EIF4ENIF1: variants seen among roughly 807,000 people sequenced by gnomAD.
EIF4ENIF1 encodes the protein eukaryotic translation initiation factor 4E nuclear import factor 1.
EIF4ENIF1 carries 23 observed loss-of-function variants against 110.5 expected under a neutral mutation model. The observed-to-expected ratio is 0.21, with a 90% CI of 0.15 to 0.29. The LOEUF (loss-of-function observed/expected upper bound fraction) is 0.29, where lower values mean the gene tolerates loss of function less well. Ranked by LOEUF, EIF4ENIF1 falls within the 10% of genes least tolerant of loss-of-function variation. The pLI is 1.00. For synonymous variants in EIF4ENIF1, 440 were observed against 437.0 expected, an observed-to-expected ratio of 1.01 and a Z score of -0.09; for missense variants, 1,031 against 1,221.1, an observed-to-expected ratio of 0.84 and a Z score of 2.32.
chr22:31,444,244 T>C (rs2050392064), intron 15 of EIF4ENIF1, among the ~76,000 whole-genome samples: 1 of 152,172 alleles, frequency 6.6e-6, no homozygotes. Flanking sequence ...CAAGTTTCAA[T>C]AGACTCCCCA....
intron 12 of EIF4ENIF1, 111 bp from the exon 13 acceptor site, chr22:31,448,343 GATTT>G: frequency 9.3e-7 from 1 of 1,077,376 alleles, no homozygotes; most frequent in East Asian, 2.4e-5. Context: ...GGAAAGCACT[GATTT>G]ATTGGGCTGA....
In EIF4ENIF1 at chr22:31,450,896, A is replaced by ACAC. The variant is rs747824280; in HGVS notation, c.1513-537_1513-536insGTG. On this transcript the variant is annotated intron_variant, in intron 10 of 18. Transcript: ENST00000330125. ...ACACACACACACACACACACACACAAAAGAGACAGGGTCTTGTTCTGTTGC... is the reference window on the plus strand; with the variant it reads ...ACACACACACACACACACACACACAACACAAGAGACAGGGTCTTGTTCTGTTGC... 5.7e-3 allele frequency: 655 copies of ACAC among 115,384 alleles called. 7 individuals are homozygous for ACAC. Among genetic ancestry groups the ACAC allele is most frequent in the East Asian group, 0.019 (63 of 3,356 alleles). 7.1% of individuals were successfully genotyped at this position (115,384 alleles called of 1,614,324 possible).
At chr22:31,449,667 G>A in intron 11 of EIF4ENIF1, 136 bp from the exon 12 acceptor site, 1 of 674,640 alleles carries the variant, frequency 1.5e-6, no homozygotes, top group African/African-American at 1.8e-5. Context: ...ATGTGTACAT[G>A]CAACACATTT....
chr22:31,441,744 GACGAC>G (rs1569061196), intron 17 of EIF4ENIF1, 25 bp downstream of exon 17: 2 of 1,572,654 alleles, frequency 1.3e-6, no homozygotes, highest in South Asian at 2.3e-5. Context: ...CCCACAAACT[GACGAC>G]ACCCAAGTCA....
intron 16 of EIF4ENIF1, 66 bp downstream of exon 16, chr22:31,442,896 C>A: frequency 6.3e-7 from 1 of 1,586,470 alleles, no homozygotes; most frequent in Middle Eastern, 2.0e-4. Context: ...GGCTGGTCAG[C>A]GCTCAGGCCC....
intron 18 of EIF4ENIF1, 128 bp downstream of exon 18, chr22:31,440,576 A>C: frequency 2.5e-6 from 3 of 1,183,630 alleles, no homozygotes; most frequent in Non-Finnish European, 3.5e-6. Flanking sequence ...ATCTGGTTAC[A>C]CTTTGTCCCA....
At chr22:31,453,368 C>T in intron 10 of EIF4ENIF1, 1 of 407,648 alleles carries the variant, frequency 2.5e-6, no homozygotes, top group Non-Finnish European at 4.9e-6. Context: ...CCTGACAAAC[C>T]CATCTTACTT....
chr22:31,479,706 T>C (rs1020525877), intron 2 of EIF4ENIF1, among the ~76,000 whole-genome samples: 2 of 120,280 alleles, frequency 1.7e-5, no homozygotes, highest in East Asian at 2.4e-4. Context: ...TTTTTTTTTT[T>C]AATCTATCCT....
At chr22:31,437,775 C>A (rs975433410), downstream of EIF4ENIF1, 3 of 152,196 alleles carry the variant, frequency 2.0e-5, no homozygotes, top group Non-Finnish European at 4.4e-5. Flanking sequence ...ATTCAGGTGT[C>A]TGTGTTCTGC....
chr22:31,441,593 C>T (rs189107224), intron 17 of EIF4ENIF1, among the ~76,000 whole-genome samples, 181 bp downstream of exon 17: 8 of 148,670 alleles, frequency 5.4e-5, no homozygotes, highest in Non-Finnish European at 1.2e-4. Flanking sequence ...AGCTAGGTTC[C>T]TAATCTTTTA....
At chr22:31,475,095 T>C (rs1312577907) in intron 2 of EIF4ENIF1, among the ~76,000 whole-genome samples, 1 of 152,222 alleles carries the variant, frequency 6.6e-6, no homozygotes, top group African/African-American at 2.4e-5. Flanking sequence ...CTTAGGACTA[T>C]ATGATACTTC....
At chr22:31,449,668 C>T (rs749685939) in intron 11 of EIF4ENIF1, 137 bp from the exon 12 acceptor site, 7 of 669,848 alleles carry the variant, frequency 1.0e-5, no homozygotes, top group African/African-American at 9.1e-5. Context: ...TGTGTACATG[C>T]AACACATTTA....
In EIF4ENIF1 at chr22:31,444,586, A is replaced by G. The variant is rs1482194470; in HGVS notation, c.2073+20T>C. On this transcript the variant is annotated intron_variant, in intron 15 of 18. Coordinates refer to ENST00000330125, the MANE Select transcript of EIF4ENIF1 (RefSeq NM_019843.4). The stretch of plus-strand genomic sequence containing the variant: ...AGGGAGAAGCCTTAAAGTCCTTCAC[A>G]GTTACTAAAGGTCACTGACCATGCT... 2.9e-5 allele frequency: 47 copies of G among 1,612,324 alleles called. No individual in the cohort carries two copies. Among genetic ancestry groups the G allele is most frequent in the Non-Finnish European group, 3.9e-5 (46 of 1,178,514 alleles).
chr22:31,471,726 T>C (rs1290612196), intron 3 of EIF4ENIF1, 118 bp downstream of exon 3: 21 of 903,578 alleles, frequency 2.3e-5, no homozygotes, highest in Non-Finnish European at 3.4e-5. Flanking sequence ...TCGAAATCCC[T>C]CTTTCACTTA....
At chr22:31,486,647 C>G (rs1050741601) in intron 2 of EIF4ENIF1, among the ~76,000 whole-genome samples, 2 of 152,158 alleles carry the variant, frequency 1.3e-5, no homozygotes, top group Admixed American at 6.5e-5. Context: ...GGCATGGTGG[C>G]GCACGCCTGT....
chr22:31,479,218 C>T (rs577381217), intron 2 of EIF4ENIF1, among the ~76,000 whole-genome samples: 1 of 151,978 alleles, frequency 6.6e-6, no homozygotes, highest in Admixed American at 6.6e-5. Context: ...AGGCTCATGC[C>T]GCCATGCCCG....
rs537823163 is a variant in EIF4ENIF1 at position 31,463,160 on chromosome 22, A to G, written c.586-27T>C. 364 of 1,605,070 alleles carry G rather than the reference A, an allele frequency of 2.3e-4. 10 individuals are homozygous for G. In the South Asian group the frequency reaches 3.5e-3, roughly 15 times the overall value. On this transcript the variant is annotated intron_variant, in intron 5 of 18. Coordinates refer to ENST00000330125, the MANE Select transcript of EIF4ENIF1 (RefSeq NM_019843.4). Reference sequence around the variant, plus strand: ...TGGAAAAGTACATAAAGCAAGATTAAAAAATTTCTAGTCAAGCCATTTCTA... The same window carrying G: ...TGGAAAAGTACATAAAGCAAGATTAGAAAATTTCTAGTCAAGCCATTTCTA...
chr22:31,491,334 C>G (rs1452371470), upstream of EIF4ENIF1, among the ~76,000 whole-genome samples: 1 of 152,092 alleles, frequency 6.6e-6, no homozygotes, highest in Non-Finnish European at 1.5e-5. Flanking sequence ...CAAATTCTTC[C>G]TAAAGCTGTG....
chr22:31,438,858 GACT>G (rs2050212848), downstream of EIF4ENIF1, among the ~76,000 whole-genome samples: 1 of 152,050 alleles, frequency 6.6e-6, no homozygotes, highest in South Asian at 2.1e-4. Context: ...GAGTAGCTGG[GACT>G]ACAAGTGTGG....
Sources: gnomAD v4.1 joint callset for allele counts (sites outside exome capture counted in the v4.1 genomes callset) on GRCh38, gnomAD v4.1.1 for gene constraint, MANE v1.5 for transcripts, NCBI Gene and HGNC (gene_info 2026-07-23, HGNC 2026-07-21) for gene names.